Variants in CDH10 observed in about 807,000 individuals in gnomAD.
CDH10 encodes cadherin 10, also known as cadherin-10.
In CDH10, 30 loss-of-function variants were observed where a neutral mutation model predicts 73.1. The ratio of observed to expected loss-of-function variants is 0.41; its 90% confidence interval spans 0.31 to 0.56. The LOEUF (loss-of-function observed/expected upper bound fraction) is 0.56. CDH10 is among the 20% of genes least tolerant of loss of function. The pLI is 0.27. For synonymous variants in CDH10, 345 were observed against 348.2 expected (o/e 0.99, Z 0.10); for missense variants, 815 against 973.7 (o/e 0.84, Z 2.17).
intron 1 of CDH10, among the ~76,000 whole-genome samples, chr5:24,635,924 A>C (rs183363639): frequency 6.2e-4 from 94 of 152,040 alleles, no homozygotes; most frequent in African/African-American, 2.1e-3. Context: ...TAGTAAGAGA[A>C]TTAGACTTAA....
intron 5 of CDH10, among the ~76,000 whole-genome samples, chr5:24,516,114 T>C (rs1743100085): frequency 6.6e-6 from 1 of 152,190 alleles, no homozygotes; most frequent in African/African-American, 2.4e-5. Context: ...CTTGTCAAGT[T>C]ACTGTGCAGA....
At chr5:24,508,495 A>G (rs1742778444) in intron 7 of CDH10, among the ~76,000 whole-genome samples, 1 of 152,160 alleles carries the variant, frequency 6.6e-6, no homozygotes, top group Non-Finnish European at 1.5e-5. Flanking sequence ...CTAAAATCAT[A>G]ATATAACCCA....
In CDH10 at chr5:24,535,699, T is replaced by C. The variant is rs1388524563; in HGVS notation, c.646+4A>G. On this transcript the variant is annotated splice_donor_region_variant and intron_variant, in intron 4 of 11. Transcript: ENST00000264463. ...TGAACAAACAGCAATTCATGATTCC[T>C]GACCTGTTTCAGGCTCCACAGAGAA... The C allele has an allele frequency of 1.2e-6, 2 of 1,607,150 alleles. No individual in the cohort carries two copies. The highest frequency in any genetic ancestry group is 2.7e-5 in the African/African-American group (2 of 74,428).
At chr5:24,603,331 T>C (rs931086707) in intron 1 of CDH10, among the ~76,000 whole-genome samples, 4 of 152,330 alleles carry the variant, frequency 2.6e-5, no homozygotes, top group Non-Finnish European at 4.4e-5. Flanking sequence ...ATTTTATGTA[T>C]GTATCATTAC....
intron 1 of CDH10, among the ~76,000 whole-genome samples, chr5:24,619,350 C>T (rs1304780309): frequency 1.3e-5 from 2 of 152,066 alleles, no homozygotes; most frequent in Non-Finnish European, 2.9e-5. Flanking sequence ...CCCACCACCA[C>T]GCCCAGCTAA....
chr5:24,515,472 T>C (rs920283478), intron 5 of CDH10, among the ~76,000 whole-genome samples: 1 of 152,196 alleles, frequency 6.6e-6, no homozygotes, highest in Admixed American at 6.5e-5. Flanking sequence ...ATTCAGGCTG[T>C]ACCACATGGA....
chr5:24,610,802 G>T (rs550011496), intron 1 of CDH10, among the ~76,000 whole-genome samples: 1 of 152,136 alleles, frequency 6.6e-6, no homozygotes, highest in Admixed American at 6.6e-5. Context: ...ATGTAAACAG[G>T]TTAGGGCTGG....
At chr5:24,549,090 C>G (rs1172846304) in intron 2 of CDH10, among the ~76,000 whole-genome samples, 1 of 152,116 alleles carries the variant, frequency 6.6e-6, no homozygotes, top group East Asian at 1.9e-4. Flanking sequence ...TAAGTTTAAT[C>G]TTTCAGAGGC....
intron 2 of CDH10, 141 bp from the exon 3 acceptor site, chr5:24,537,815 T>C (rs892984854): frequency 5.1e-6 from 3 of 587,222 alleles, no homozygotes; most frequent in Admixed American, 3.2e-5. Flanking sequence ...GCTGAATAAG[T>C]TTGATCACAC....
rs554255257 is a variant in CDH10, at chr5:24,552,474, C to T, written c.232-14800G>A. On this transcript the variant is annotated intron_variant, in intron 2 of 11. Coordinates refer to ENST00000264463, the MANE Select transcript of CDH10 (RefSeq NM_006727.5). ...TTTTCCTATAATCTGATAGAAATAG[C>T]TCACTACAATATGTTGTTAGTAATT... is the stretch of plus-strand genomic sequence containing the variant. 2.0e-5 allele frequency among the ~76,000 whole-genome samples: 3 copies of T among 151,944 alleles called. No homozygotes were observed. In the East Asian group the frequency reaches 5.8e-4, roughly 29 times the overall value.
chr5:24,540,012 A>T (rs1035263833), intron 2 of CDH10, among the ~76,000 whole-genome samples: 1 of 152,036 alleles, frequency 6.6e-6, no homozygotes, highest in Non-Finnish European at 1.5e-5. Flanking sequence ...TTCTCTATGC[A>T]TTCAATAATT....
chr5:24,623,915 C>T (rs931003151), intron 1 of CDH10, among the ~76,000 whole-genome samples: 1 of 151,950 alleles, frequency 6.6e-6, no homozygotes, highest in African/African-American at 2.4e-5. Flanking sequence ...CTGAACTGTA[C>T]CTTATCTAGT....
intron 11 of CDH10, among the ~76,000 whole-genome samples, chr5:24,490,914 T>C (rs1275838922): frequency 6.6e-6 from 1 of 152,210 alleles, no homozygotes; most frequent in Non-Finnish European, 1.5e-5. Flanking sequence ...TTAACCTTTG[T>C]CTTTGTTGCT....
chr5:24,642,527 T>C (rs894502905), intron 1 of CDH10, among the ~76,000 whole-genome samples: 1 of 152,174 alleles, frequency 6.6e-6, no homozygotes, highest in Non-Finnish European at 1.5e-5. Flanking sequence ...GTCAGAAATA[T>C]CACTCTAAAT....
chr5:24,502,086 A>AT (rs35593836), intron 8 of CDH10, among the ~76,000 whole-genome samples: 51,440 of 151,230 alleles, frequency 0.34, 10,828 homozygotes, highest in Non-Finnish European at 0.47. Flanking sequence ...CGTCCGGCTC[A>AT]TTTTTTTGTA....
intron 5 of CDH10, among the ~76,000 whole-genome samples, chr5:24,534,198 C>T (rs903698965): frequency 6.6e-6 from 1 of 151,912 alleles, no homozygotes. Flanking sequence ...TACTTTATCA[C>T]AAGGTATTTA....
intron 1 of CDH10, among the ~76,000 whole-genome samples, chr5:24,622,427 T>G (rs1036954737): frequency 6.6e-6 from 1 of 152,208 alleles, no homozygotes; most frequent in Non-Finnish European, 1.5e-5. Context: ...TCATTAGCTC[T>G]GTTGATATTG....
intron 5 of CDH10, among the ~76,000 whole-genome samples, chr5:24,514,256 C>T (rs945191974): frequency 4.6e-5 from 7 of 152,226 alleles, no homozygotes; most frequent in Admixed American, 1.3e-4. Context: ...CTCAGAGTTT[C>T]AAAACTCTTT....
rs759342297 is a variant in CDH10, at chr5:24,511,365, C to T, written c.964G>A (p.Glu322Lys). Residue 322 changes from glutamate (E) to lysine (K), a missense_variant, in exon 6 of 12, where the codon GAG becomes AAG. By Grantham distance (56) the Glu-to-Lys change is moderately conservative. This residue lies in a region of CDH10 where 516 missense variants were observed against 636.6 expected (regional missense o/e 0.81). Transcript: ENST00000264463. ...DGTDMFDIVT[E>K]KDTQEGIITV... is the part of the protein sequence containing the mutation. ...ATGATGCCTTCCTGTGTGTCCTTCT[C>T]AGTCACGATGTCAAACATATCAGTA... 2 of 1,612,698 alleles carry T rather than the reference C, an allele frequency of 1.2e-6. No homozygotes were observed. Among genetic ancestry groups the T allele is most frequent in the South Asian group, 2.2e-5 (2 of 91,034 alleles).
Sources: allele counts gnomAD v4.1 joint callset (sites outside exome capture counted in the v4.1 genomes callset), GRCh38; gene constraint gnomAD v4.1.1; regional missense constraint gnomAD v4.1.1; transcripts MANE v1.5; gene names NCBI Gene and HGNC (gene_info 2026-07-23, HGNC 2026-07-21).